Variants in MANBA observed in about 807,000 individuals in gnomAD.
MANBA encodes the protein beta-mannosidase.
Under a neutral mutation model 111.1 loss-of-function variants are expected in MANBA, and 83 were observed. The ratio of observed to expected loss-of-function variants is 0.75; its 90% CI spans 0.63 to 0.90. The LOEUF (loss-of-function observed/expected upper bound fraction) is 0.90, where lower values mean the gene tolerates loss of function less well. Among genes scored for constraint, MANBA ranks in the 40% least tolerant of loss-of-function variants. The pLI is 0.00. For synonymous variants in MANBA, 370 were observed against 378.7 expected (o/e 0.98, Z 0.27); for missense variants, 1,036 against 1,069.0 (o/e 0.97, Z 0.43).
rs570620045 is a variant in MANBA, at chr4:102,635,013, G to C, written c.2190C>G (p.Pro730=). 6.2e-7 allele frequency: 1 copy of C among 1,614,100 alleles called. No homozygotes were observed. The highest frequency in any genetic ancestry group is 8.5e-7 in the Non-Finnish European group (1 of 1,179,970). ...AACGTTCAGTCACACGAGAGCACACGGGCTCCAGGGAGCTCCATGTATGGA... is the reference window on the plus strand; with the variant it reads ...AACGTTCAGTCACACGAGAGCACACCGGCTCCAGGGAGCTCCATGTATGGA... ...VRVHTWSSLE[P]VCSRVTERFV... is the part of the protein sequence containing the mutation. The change falls in exon 16 of 17, where the codon CCC becomes CCG. Residue 730 remains proline, a synonymous_variant. Coordinates refer to ENST00000647097, the MANE Select transcript of MANBA (RefSeq NM_005908.4).
chr4:102,724,144 G>A (rs1722694557), intron 2 of MANBA, among the ~76,000 whole-genome samples, 177 bp from the exon 3 acceptor site: 1 of 152,196 alleles, frequency 6.6e-6, no homozygotes, highest in Non-Finnish European at 1.5e-5. Context: ...TACGTCCTTT[G>A]AGTGATCCAG....
At chr4:102,752,668 ATTCT>A (rs1441429641) in intron 1 of MANBA, 2 of 535,912 alleles carry the variant, frequency 3.7e-6, no homozygotes, top group African/African-American at 3.8e-5. Flanking sequence ...GATCATAGAG[ATTCT>A]TTATACAAAT....
chr4:102,639,688 G>C (rs374840008), intron 14 of MANBA, 25 bp downstream of exon 14: 1 of 1,613,770 alleles, frequency 6.2e-7, no homozygotes, highest in South Asian at 1.1e-5. Flanking sequence ...TCTCTCACTC[G>C]CACAAAGAAC....
chr4:102,706,341 C>T (rs1266727068), intron 5 of MANBA, among the ~76,000 whole-genome samples: 4 of 152,168 alleles, frequency 2.6e-5, no homozygotes, highest in African/African-American at 9.7e-5. Context: ...TCACAAACAC[C>T]ACTGATGCTG....
chr4:102,654,510 G>C (rs901500914), intron 12 of MANBA, among the ~76,000 whole-genome samples: 2 of 152,154 alleles, frequency 1.3e-5, no homozygotes, highest in Non-Finnish European at 2.9e-5. Flanking sequence ...TTCAGGTAGC[G>C]AAATTGAAAA....
At chr4:102,667,628 C>T (rs1379766513) in intron 10 of MANBA, 1 of 152,148 alleles carries the variant, frequency 6.6e-6, no homozygotes, top group East Asian at 1.9e-4. Context: ...GGAGTGACAT[C>T]ATACTAGAGT....
intron 1 of MANBA, chr4:102,752,417 C>A: frequency 3.1e-6 from 3 of 969,066 alleles, no homozygotes; most frequent in Non-Finnish European, 5.0e-6. Flanking sequence ...GGTTGCGTGA[C>A]ATTAGTAAAA....
chr4:102,688,087 C>T (rs1296647052), intron 7 of MANBA, among the ~76,000 whole-genome samples: 2 of 152,156 alleles, frequency 1.3e-5, no homozygotes, highest in Non-Finnish European at 2.9e-5. Flanking sequence ...TAGAAAAAGA[C>T]AGAAGTTCCT....
intron 1 of MANBA, among the ~76,000 whole-genome samples, chr4:102,745,817 T>G (rs1723566431): frequency 6.6e-6 from 1 of 152,210 alleles, no homozygotes; most frequent in African/African-American, 2.4e-5. Context: ...CCTATGACTC[T>G]TCTCCAGATT....
intron 3 of MANBA, among the ~76,000 whole-genome samples, chr4:102,723,630 G>T (rs1188159835): frequency 6.6e-6 from 1 of 152,166 alleles, no homozygotes; most frequent in Admixed American, 6.5e-5. Context: ...CCAAGAACTT[G>T]CCAACATTTT....
intron 4 of MANBA, among the ~76,000 whole-genome samples, chr4:102,721,521 A>C (rs1016492661): frequency 1.2e-4 from 19 of 152,130 alleles, no homozygotes; most frequent in African/African-American, 4.3e-4. Flanking sequence ...AAGCAACCTA[A>C]ACGTCCGTCA....
chr4:102,741,108 T>C (rs1045830919), intron 1 of MANBA, among the ~76,000 whole-genome samples: 1 of 151,368 alleles, frequency 6.6e-6, no homozygotes, highest in African/African-American at 2.4e-5. Flanking sequence ...GCAAGAAAAA[T>C]CAAATAATCC....
At chr4:102,638,293 G>C (rs1158926918) in intron 14 of MANBA, among the ~76,000 whole-genome samples, 1 of 152,138 alleles carries the variant, frequency 6.6e-6, no homozygotes, top group Non-Finnish European at 1.5e-5. Context: ...AGGCATGGTG[G>C]TATGCAGCTA....
chr4:102,685,779 C>A (rs1453698108), intron 7 of MANBA, among the ~76,000 whole-genome samples: 3 of 151,794 alleles, frequency 2.0e-5, no homozygotes, highest in Non-Finnish European at 4.4e-5. Flanking sequence ...ATCCAGAGAC[C>A]CCCCCATTCA....
chr4:102,676,091 T>A (rs1731714004), intron 7 of MANBA, among the ~76,000 whole-genome samples: 2 of 152,172 alleles, frequency 1.3e-5, no homozygotes, highest in Non-Finnish European at 2.9e-5. Flanking sequence ...AAGGGAAGAA[T>A]CTACTCTAAA....
chr4:102,684,393 G>C (rs1324814931), intron 7 of MANBA, among the ~76,000 whole-genome samples: 1 of 152,120 alleles, frequency 6.6e-6, no homozygotes, highest in Non-Finnish European at 1.5e-5. Context: ...TTGGATGGCA[G>C]TTTAGCATAA....
chr4:102,702,329 G>T (rs1733093706), intron 5 of MANBA, among the ~76,000 whole-genome samples: 1 of 151,892 alleles, frequency 6.6e-6, no homozygotes, highest in Non-Finnish European at 1.5e-5. Context: ...CTCGTAGTTT[G>T]ATCGCCTGAA....
intron 1 of MANBA, chr4:102,752,325 A>T: frequency 7.3e-7 from 1 of 1,364,076 alleles, no homozygotes; most frequent in Non-Finnish European, 1.0e-6. Context: ...TAGCATCTGG[A>T]AGCACAGATA....
chr4:102,631,826 C>T lies in MANBA; in HGVS notation c.*231G>A. On this transcript the variant is annotated 3_prime_UTR_variant, in exon 17 of 17. Transcript: ENST00000647097. ...TGAAGGGCTAAAAACACAGTCCTGG[C>T]ACAGATTCCAGGACACCCCGGCACA... The T allele has an allele frequency of 1.6e-6, 1 of 617,400 alleles. No individual in the cohort carries two copies. The highest frequency in any genetic ancestry group is 2.8e-5 in the Admixed American group (1 of 36,266). 38.2% of individuals were successfully genotyped at this position (617,400 alleles called of 1,614,324 possible). A position where few individuals can be genotyped will look rare whatever the true frequency, so the allele number is the denominator to read the frequency against.
Sources: gnomAD v4.1 joint callset for allele counts (sites outside exome capture counted in the v4.1 genomes callset) on GRCh38, gnomAD v4.1.1 for gene constraint, MANE v1.5 for transcripts, NCBI Gene and HGNC (gene_info 2026-07-23, HGNC 2026-07-21) for gene names.